Variants in RYR1 observed in about 807,000 individuals in gnomAD.
The protein encoded by RYR1 is ryanodine receptor 1.
In RYR1, 342 loss-of-function variants were observed where a neutral mutation model predicts 583.5. That is an observed-to-expected ratio of 0.59 (90% confidence interval 0.54 to 0.64). The LOEUF (loss-of-function observed/expected upper bound fraction) is 0.64. Ranked by LOEUF, RYR1 falls within the 30% of genes least tolerant of loss-of-function variation. RYR1 has a pLI of 0.00. For synonymous variants in RYR1, 2,791 were observed against 2,822.5 expected (o/e 0.99, Z 0.35); for missense variants, 6,032 against 6,917.2 (o/e 0.87, Z 4.54).
intron 64 of RYR1, 132 bp downstream of exon 64, chr19:38,515,239 T>G (rs1600881745): frequency 3.9e-6 from 3 of 763,858 alleles, no homozygotes; most frequent in Non-Finnish European, 4.4e-6. Context: ...GCAGCCGCGG[T>G]TCCCCACGGC....
rs1324550196 is a variant in RYR1 at position 38,502,644 on chromosome 19, T to C, written c.7752T>C (p.His2584=). The stretch of plus-strand genomic sequence containing the variant: ...CCATCATGGTGGACTCTATGCTGCA[T>C]ACCGTGTACCGCCTGTCTCGGGGTC... The part of the protein sequence containing the change: ...HRAIMVDSML[H]TVYRLSRGRS... The change falls in exon 48 of 106, where the codon CAT becomes CAC. Residue 2584 remains histidine (H), a synonymous_variant. Transcript: ENST00000359596. The C allele has an allele frequency of 1.9e-6, 3 of 1,612,800 alleles. No homozygotes were observed. Among genetic ancestry groups the C allele is most frequent in the Admixed American group, 1.7e-5 (1 of 59,982 alleles).
Position 38,512,186 on chromosome 19 carries a change from AC to A in RYR1, c.9234-55del, listed in dbSNP as rs1970759412. 1.9e-6 allele frequency: 3 copies of A among 1,613,610 alleles called. No individual in the cohort carries two copies. On this transcript the variant is annotated intron_variant, in intron 62 of 105. Coordinates refer to ENST00000359596, the MANE Select transcript of RYR1 (RefSeq NM_000540.3). The surrounding 1 kb of genome is among the most constrained non-coding windows in gnomAD (Gnocchi z 5.1). The stretch of plus-strand genomic sequence containing the variant: ...CCACCATCATCGGGCCCCCACCCCA[AC>A]CCCTGGTCTCCTAGACTCTCCGATT...
rs536185591 is a variant in RYR1 at position 38,585,327 on chromosome 19, C to T, written c.14803+228C>T. 7.1e-4 allele frequency among the ~76,000 whole-genome samples: 107 copies of T among 150,686 alleles called. 2 individuals carry two copies. Among genetic ancestry groups the T allele is most frequent in the Middle Eastern group, 6.9e-3 (2 of 288 alleles). On this transcript the variant is annotated intron_variant, in intron 102 of 105. Transcript: ENST00000359596. ...GATCAGGATTAAGTCAGTTCATAGG[C>T]GCTCGGTGTCTGGCTCATATGAGTG...
intron 69 of RYR1, 197 bp downstream of exon 69, chr19:38,523,506 CATCTCCCTCCTCCT>C: frequency 1.6e-6 from 1 of 641,968 alleles, no homozygotes; most frequent in Non-Finnish European, 2.8e-6. Flanking sequence ...TCCCTCCTCC[CATCTCCCTCCTCCT>C]CTCCATCTCC....
rs758252699 is a variant in RYR1, at chr19:38,572,087, C to G, written c.13815C>G (p.Gly4605=). Residue 4605 remains glycine (G), a synonymous_variant, in exon 95 of 106, where the codon GGC becomes GGG. Coordinates refer to ENST00000359596, the MANE Select transcript of RYR1 (RefSeq NM_000540.3). The part of the protein sequence containing the change: ...GSAAGDVSGA[G]SGGSSGWGLG... The stretch of plus-strand genomic sequence containing the variant: ...CTGCTGGGGATGTGTCAGGTGCAGG[C>G]TCTGGTGGCAGCTCTGGCTGGGGCT... 6.2e-7 allele frequency: 1 copy of G among 1,614,126 alleles called. No homozygotes were observed. Among genetic ancestry groups the G allele is most frequent in the Non-Finnish European group, 8.5e-7 (1 of 1,180,036 alleles).
intron 39 of RYR1, 121 bp downstream of exon 39, chr19:38,494,746 A>C (rs932115511): frequency 1.6e-6 from 2 of 1,251,886 alleles, no homozygotes; most frequent in Non-Finnish European, 2.3e-6. Flanking sequence ...CAGTCTCTCG[A>C]TGGCTAGCTC....
chr19:38,510,432 C>T, intron 58 of RYR1, 66 bp from the exon 59 acceptor site: 1 of 1,524,944 alleles, frequency 6.6e-7, no homozygotes, highest in Non-Finnish European at 9.1e-7. Context: ...CAGCATCCTT[C>T]CCATCAGAAC....
chr19:38,488,461 C>T (rs903109049), intron 34 of RYR1, among the ~76,000 whole-genome samples: 1 of 152,128 alleles, frequency 6.6e-6, no homozygotes, highest in African/African-American at 2.4e-5. Context: ...TCCCTTTCGT[C>T]TACTCCCTCT....
At chr19:38,525,816 C>G (rs974788964) in intron 71 of RYR1, among the ~76,000 whole-genome samples, 1 of 151,648 alleles carries the variant, frequency 6.6e-6, no homozygotes, top group Non-Finnish European at 1.5e-5. Context: ...CCGGACCATG[C>G]CAAACCTGCT....
intron 93 of RYR1, among the ~76,000 whole-genome samples, chr19:38,570,229 G>A (rs1218515396): frequency 4.6e-5 from 7 of 151,896 alleles, no homozygotes; most frequent in East Asian, 1.9e-4. Flanking sequence ...TGAGGAGGGC[G>A]GATCACGAGG....
intron 89 of RYR1, among the ~76,000 whole-genome samples, chr19:38,557,051 CTTT>C (rs35027525): frequency 1.8e-5 from 2 of 108,824 alleles, no homozygotes; most frequent in African/African-American, 3.6e-5. Flanking sequence ...AGTCTCATTT[CTTT>C]TTTTTTTTTT....
chr19:38,483,364 G>GGGGT lies in RYR1; in HGVS notation c.4783_4784insGGTG (p.Glu1595GlyfsTer2). The stretch of plus-strand genomic sequence containing the variant: ...CGGCCCCGCAGTGCCCACCGCGGCT[G>GGGGT]GAGATGCAGATGCTGATGCCAGTGT... On this transcript the variant is annotated frameshift_variant, in exon 33 of 106. Coordinates refer to ENST00000359596, the MANE Select transcript of RYR1 (RefSeq NM_000540.3). LOFTEE classifies it high-confidence loss of function. This position sits in a 1 kb window ranked among gnomAD's most constrained non-coding sequence, Gnocchi z 6.3. 1 of 1,563,686 alleles carries GGGGT rather than the reference G, an allele frequency of 6.4e-7. No homozygotes were observed. Among genetic ancestry groups the GGGGT allele is most frequent in the Non-Finnish European group, 8.7e-7 (1 of 1,154,416 alleles).
At position 38,489,302 on chromosome 19, in the gene RYR1, G is replaced by A. The variant is rs751039626; in HGVS notation, c.5673G>A (p.Glu1891=). The change falls in exon 35 of 106, where the codon GAG becomes GAA. Residue 1891 remains glutamate (E), a synonymous_variant. Transcript: ENST00000359596. ...AGGGTGAAGAGGAAGATGAGGAGGA[G>A]AAGGAGGAGGATGAGGAGGAAACAG... ...EEEGEEEDEE[E]KEEDEEETAQ... 19 of 1,602,584 alleles carry A rather than the reference G, an allele frequency of 1.2e-5. No individual in the cohort carries two copies. The highest frequency in any genetic ancestry group is 3.3e-4 in the Middle Eastern group (2 of 6,062).
At chr19:38,478,913 G>A (rs568309207) in intron 31 of RYR1, among the ~76,000 whole-genome samples, 6 of 152,214 alleles carry the variant, frequency 3.9e-5, no homozygotes, top group Middle Eastern at 3.4e-3. Context: ...GATTACAGGC[G>A]AGCACCACAA....
intron 11 of RYR1, 45 bp downstream of exon 11, chr19:38,448,858 G>C: frequency 6.3e-7 from 1 of 1,584,572 alleles, no homozygotes; most frequent in Non-Finnish European, 8.6e-7. Context: ...TGGGAGAATC[G>C]CTTGAGTCCA....
chr19:38,548,237 C>A lies in RYR1; in HGVS notation c.12099C>A (p.Asn4033Lys). The A allele has an allele frequency of 6.2e-7, 1 of 1,614,168 alleles. No homozygotes were observed. Among genetic ancestry groups the A allele is most frequent in the South Asian group, 1.1e-5 (1 of 91,086 alleles). ...VVMLLSLLEGNVVNGMIARQM... is the reference protein window; with the variant it reads ...VVMLLSLLEGKVVNGMIARQM... ...CTGACCTGGGGCTGCCTGCAGGGAA[C>A]GTGGTGAACGGCATGATCGCCCGGC... Residue 4033 changes from asparagine (N) to lysine (K), a missense_variant, in exon 89 of 106, where the codon AAC becomes AAA. Transcript: ENST00000359596.
At chr19:38,456,501 C>T (rs1398518106) in intron 16 of RYR1, among the ~76,000 whole-genome samples, 2 of 151,638 alleles carry the variant, frequency 1.3e-5, no homozygotes, top group African/African-American at 2.4e-5. Flanking sequence ...AGTCTGGTCT[C>T]GAACTCCTGA....
At chr19:38,509,450 ATTTTTTT>A (rs534650223) in intron 58 of RYR1, among the ~76,000 whole-genome samples, 3 of 104,378 alleles carry the variant, frequency 2.9e-5, no homozygotes, top group Admixed American at 1.0e-4. Flanking sequence ...TATTATTATT[ATTTTTTT>A]TTTTTTTTTT....
At chr19:38,562,741 A>G (rs575242828) in intron 90 of RYR1, among the ~76,000 whole-genome samples, 1 of 152,080 alleles carries the variant, frequency 6.6e-6, no homozygotes, top group South Asian at 2.1e-4. Flanking sequence ...ACAGAGTCCC[A>G]GGCCCTTGCA....
Sources: allele counts gnomAD v4.1 joint callset (sites outside exome capture counted in the v4.1 genomes callset), GRCh38; gene constraint gnomAD v4.1.1; non-coding constraint Gnocchi (gnomAD v3.1); transcripts MANE v1.5; gene names NCBI Gene and HGNC (gene_info 2026-07-23, HGNC 2026-07-21).